The following MSRA variants were observed in gnomAD, a reference collection of about 807,000 sequenced individuals.
MSRA encodes mitochondrial peptide methionine sulfoxide reductase.
MSRA carries 54 observed loss-of-function variants against 31.3 expected under a neutral mutation model. The observed-to-expected ratio is 1.73, with a 90% CI of 1.39 to 2.17. The LOEUF (loss-of-function observed/expected upper bound fraction) is 2.17, where lower values mean the gene tolerates loss of function less well. Among genes scored for constraint, MSRA ranks in the 30% most tolerant of loss-of-function variants. The pLI, the probability that MSRA is intolerant of heterozygous loss-of-function variation, is 0.00. For synonymous variants in MSRA, 169 were observed against 116.5 expected (o/e 1.45, Z -2.90); for missense variants, 507 against 300.9 (o/e 1.69, Z -5.07).
chr8:10,358,806 A>C (rs1236087469), intron 5 of MSRA, among the ~76,000 whole-genome samples: 2 of 147,818 alleles, frequency 1.4e-5, no homozygotes, highest in Non-Finnish European at 3.0e-5. Flanking sequence ...TTTAGCCGGG[A>C]TGGTCTCGAT....
chr8:10,235,049 A>G (rs1035822122), intron 2 of MSRA, among the ~76,000 whole-genome samples: 1 of 152,158 alleles, frequency 6.6e-6, no homozygotes, highest in Non-Finnish European at 1.5e-5. Context: ...GATGATTTAC[A>G]TAACAAATTG....
intron 4 of MSRA, among the ~76,000 whole-genome samples, chr8:10,314,814 G>C (rs1262845913): frequency 2.0e-5 from 3 of 152,188 alleles, no homozygotes; most frequent in African/African-American, 4.8e-5. Flanking sequence ...GAAGAAAATG[G>C]AAGGACCTCA....
At chr8:10,153,785 A>G (rs1314640602) in intron 1 of MSRA, among the ~76,000 whole-genome samples, 1 of 152,234 alleles carries the variant, frequency 6.6e-6, no homozygotes, top group Non-Finnish European at 1.5e-5. Context: ...CAACAGCTTC[A>G]GAAAAAAATT....
chr8:10,338,184 C>T (rs1435701482), intron 5 of MSRA, among the ~76,000 whole-genome samples: 1 of 152,146 alleles, frequency 6.6e-6, no homozygotes, highest in East Asian at 1.9e-4. Flanking sequence ...GAAAGCAATA[C>T]TAGCAGAAAG....
chr8:10,159,509 C>T (rs949549946), intron 1 of MSRA, among the ~76,000 whole-genome samples: 11 of 152,092 alleles, frequency 7.2e-5, no homozygotes, highest in African/African-American at 2.4e-4. Flanking sequence ...ATGCTTTTGC[C>T]CTTTTAGAAA....
At chr8:10,389,587 G>A (rs1000672736) in intron 5 of MSRA, among the ~76,000 whole-genome samples, 2 of 152,132 alleles carry the variant, frequency 1.3e-5, no homozygotes, top group African/African-American at 4.8e-5. Flanking sequence ...TCCTTCCCTA[G>A]GCATCTTTTC....
At chr8:10,373,725 CG>C (rs1199740700) in intron 5 of MSRA, among the ~76,000 whole-genome samples, 2 of 152,112 alleles carry the variant, frequency 1.3e-5, no homozygotes, top group East Asian at 1.9e-4. Flanking sequence ...GGGCACGTGC[CG>C]GGGGGCTGGG....
intron 3 of MSRA, among the ~76,000 whole-genome samples, chr8:10,288,270 T>C (rs545059384): frequency 2.0e-5 from 3 of 152,308 alleles, no homozygotes; most frequent in South Asian, 2.1e-4. Flanking sequence ...ACCACAGATA[T>C]ACTATATACC....
At chr8:10,260,495 G>C (rs908107854) in intron 3 of MSRA, among the ~76,000 whole-genome samples, 8 of 152,198 alleles carry the variant, frequency 5.3e-5, no homozygotes, top group African/African-American at 2.4e-5. Flanking sequence ...AGAGTTGACA[G>C]GCACAGATGG....
intron 5 of MSRA, among the ~76,000 whole-genome samples, chr8:10,356,060 T>A (rs1196065456): frequency 2.6e-5 from 4 of 152,136 alleles, no homozygotes; most frequent in African/African-American, 9.7e-5. Flanking sequence ...CTGAAGGCCC[T>A]TCATGTATCT....
intron 1 of MSRA, among the ~76,000 whole-genome samples, chr8:10,158,232 C>T (rs13362873): frequency 0.032 from 4,820 of 152,304 alleles, 245 homozygotes; most frequent in African/African-American, 0.11. Context: ...AACATCTGGA[C>T]TTCAAGAGGA....
intron 3 of MSRA, among the ~76,000 whole-genome samples, chr8:10,281,508 C>G (rs1368486348): frequency 2.0e-5 from 3 of 152,176 alleles, no homozygotes; most frequent in Non-Finnish European, 2.9e-5. Flanking sequence ...GCACACCCGA[C>G]CTAGACAGTA....
intron 4 of MSRA, among the ~76,000 whole-genome samples, chr8:10,314,043 C>T (rs186377397): frequency 1.2e-3 from 180 of 152,198 alleles, no homozygotes; most frequent in African/African-American, 4.0e-3. Context: ...CAAAGGCAAA[C>T]GTACGAAATT....
intron 1 of MSRA, among the ~76,000 whole-genome samples, chr8:10,057,733 T>G (rs1300845778): frequency 5.3e-5 from 8 of 152,190 alleles, no homozygotes; most frequent in Non-Finnish European, 1.0e-4. Context: ...TCTCTCGTTC[T>G]CTCCTGCTCC....
intron 3 of MSRA, among the ~76,000 whole-genome samples, chr8:10,259,624 G>T (rs1798364676): frequency 6.6e-6 from 1 of 152,050 alleles, no homozygotes; most frequent in Admixed American, 6.6e-5. Context: ...TGGACATTTG[G>T]GAAAGCTCAG....
In MSRA at chr8:10,063,433, G is replaced by A. The variant is rs146351293; in HGVS notation, c.142+8775G>A. Among the ~76,000 whole-genome samples the A allele has an allele frequency of 2.1e-3, 316 of 152,180 alleles. 1 individual carries two copies. The highest frequency in any genetic ancestry group is 7.3e-3 in the African/African-American group (301 of 41,514). On this transcript the variant is annotated intron_variant, in intron 1 of 5. Transcript: ENST00000317173. ...TGGACACTTGCTGTAATTTGCTGCTGGCCTCAGTGTTTCAGATCTCCACTT... is the reference window on the plus strand; with the variant it reads ...TGGACACTTGCTGTAATTTGCTGCTAGCCTCAGTGTTTCAGATCTCCACTT...
At chr8:10,142,141 A>G (rs1346035599) in intron 1 of MSRA, among the ~76,000 whole-genome samples, 2 of 152,120 alleles carry the variant, frequency 1.3e-5, no homozygotes, top group African/African-American at 4.8e-5. Flanking sequence ...TGTTTTTAGT[A>G]GAGACGGGGT....
chr8:10,193,336 G>C (rs1421437559), intron 1 of MSRA, among the ~76,000 whole-genome samples: 1 of 152,188 alleles, frequency 6.6e-6, no homozygotes, highest in Non-Finnish European at 1.5e-5. Context: ...CACTGCGCAG[G>C]CTCCAGAGTG....
intron 1 of MSRA, among the ~76,000 whole-genome samples, chr8:10,174,749 G>A (rs1805889498): frequency 6.6e-6 from 1 of 152,166 alleles, no homozygotes; most frequent in Admixed American, 6.5e-5. Context: ...GGCTCAGCGT[G>A]CTGCACTCAG....
Sources: allele counts gnomAD v4.1 joint callset (sites outside exome capture counted in the v4.1 genomes callset), GRCh38; gene constraint gnomAD v4.1.1; transcripts MANE v1.5; gene names NCBI Gene and HGNC (gene_info 2026-07-23, HGNC 2026-07-21).